Variants in PLPBP observed in about 807,000 individuals in gnomAD.
PLPBP encodes pyridoxal phosphate homeostasis protein.
In PLPBP, 21 loss-of-function variants were observed where a neutral mutation model predicts 31.2. The ratio of observed to expected loss-of-function variants is 0.67; its 90% CI spans 0.48 to 0.97. The LOEUF (loss-of-function observed/expected upper bound fraction) is 0.97. Ranked by LOEUF, PLPBP falls within the 50% of genes least tolerant of loss-of-function variation. The pLI is 0.00. For synonymous variants in PLPBP, 124 were observed against 135.6 expected (o/e 0.91, Z 0.59); for missense variants, 308 against 354.4 (o/e 0.87, Z 1.05).
At chr8:37,775,624 A>G (rs776167691) in intron 6 of PLPBP, 143 bp downstream of exon 6, 36 of 1,300,906 alleles carry the variant, frequency 2.8e-5, no homozygotes, top group Non-Finnish European at 3.7e-5. Context: ...AACTCTTCTC[A>G]GAAGGAAAAG....
chr8:37,762,885 G>A, intron 1 of PLPBP, 127 bp downstream of exon 1: 1 of 1,231,764 alleles, frequency 8.1e-7, no homozygotes, highest in Non-Finnish European at 1.1e-6. Flanking sequence ...GGCCGCCTAG[G>A]GCCACCGAAA....
intron 4 of PLPBP, among the ~76,000 whole-genome samples, chr8:37,767,665 A>G (rs1483723921): frequency 1.3e-5 from 2 of 152,158 alleles, no homozygotes; most frequent in East Asian, 3.8e-4. Context: ...GAGCCTTTGT[A>G]TGGATATATT....
At chr8:37,772,687 A>T (rs546260428) in intron 4 of PLPBP, 68 bp from the exon 5 acceptor site, 3 of 1,572,246 alleles carry the variant, frequency 1.9e-6, no homozygotes, top group East Asian at 2.3e-5. Context: ...CAAGTCAGAG[A>T]TTTGTTGCAT....
intron 4 of PLPBP, among the ~76,000 whole-genome samples, chr8:37,768,624 C>T (rs1803697778): frequency 6.6e-6 from 1 of 151,896 alleles, no homozygotes; most frequent in Non-Finnish European, 1.5e-5. Flanking sequence ...AGGCGCCCAC[C>T]ACCACGCCCA....
rs1284343587 is a variant in PLPBP at position 37,765,484 on chromosome 8, GT to G, written c.100-40del. 5 of 1,566,580 alleles carry G rather than the reference GT, an allele frequency of 3.2e-6. No homozygotes were observed. The African/African-American group carries it at 6.8e-5, about 21-fold the overall frequency. Reference sequence around the variant, plus strand: ...ATCCTATGGGATTCATTGGGGTACTGTTCCCAAACATTCACTCATATGGCTC... The same window carrying G: ...ATCCTATGGGATTCATTGGGGTACTGTCCCAAACATTCACTCATATGGCTC... On this transcript the variant is annotated intron_variant, in intron 1 of 7. Coordinates refer to ENST00000328195, the MANE Select transcript of PLPBP (RefSeq NM_007198.4).
At chr8:37,770,723 A>G (rs1377510779) in intron 4 of PLPBP, among the ~76,000 whole-genome samples, 1 of 151,128 alleles carries the variant, frequency 6.6e-6, no homozygotes, top group Non-Finnish European at 1.5e-5. Flanking sequence ...GATTACAGGC[A>G]CGCCCCACCA....
At chr8:37,772,968 G>T in intron 5 of PLPBP, 79 bp downstream of exon 5, 1 of 1,550,048 alleles carries the variant, frequency 6.5e-7, no homozygotes, top group Non-Finnish European at 8.9e-7. Flanking sequence ...GGGCCCAAGT[G>T]TCTGATGGAT....
intron 1 of PLPBP, among the ~76,000 whole-genome samples, chr8:37,764,290 G>C (rs1803564956): frequency 6.7e-6 from 1 of 149,784 alleles, no homozygotes; most frequent in South Asian, 2.1e-4. Flanking sequence ...ATTTTTAGTA[G>C]AGACAGGGTT....
At chr8:37,762,594 G>A (rs1021624091), upstream of PLPBP, 3 of 1,525,298 alleles carry the variant, frequency 2.0e-6, no homozygotes, top group African/African-American at 2.8e-5. Flanking sequence ...CAAGCTGGGC[G>A]GAACCGGAAG....
At chr8:37,767,492 A>G (rs1803663056) in intron 4 of PLPBP, among the ~76,000 whole-genome samples, 1 of 152,222 alleles carries the variant, frequency 6.6e-6, no homozygotes, top group South Asian at 2.1e-4. Flanking sequence ...GTAGTGATTC[A>G]TCATGTTCAT....
chr8:37,775,380 G>C lies in PLPBP; in HGVS notation c.496G>C (p.Glu166Gln). The C allele has an allele frequency of 3.7e-6, 6 of 1,614,204 alleles. No individual in the cohort carries two copies. The highest frequency in any genetic ancestry group is 5.1e-6 in the Non-Finnish European group (6 of 1,180,044). Reference protein sequence around the residue: ...LPPSETIAIVEHINAKCPNLE... With the variant: ...LPPSETIAIVQHINAKCPNLE... ...ACCTTCAGAGACCATAGCCATCGTGGAGCACATAAACGCCAAGTGTCCTAA... is the reference window on the plus strand; with the variant it reads ...ACCTTCAGAGACCATAGCCATCGTGCAGCACATAAACGCCAAGTGTCCTAA... Residue 166 changes from glutamate (E) to glutamine (Q), a missense_variant, in exon 6 of 8, where the codon GAG (glutamate) becomes CAG (glutamine). By Grantham distance (29) the Glu-to-Gln change is conservative. Around this residue, in one of 2 missense-constraint regions of PLPBP, gnomAD observed 188 missense variants for 259.3 expected, o/e 0.73. Transcript: ENST00000328195.
At chr8:37,773,959 C>G (rs1803840677) in intron 5 of PLPBP, among the ~76,000 whole-genome samples, 1 of 151,854 alleles carries the variant, frequency 6.6e-6, no homozygotes, top group Non-Finnish European at 1.5e-5. Context: ...ACCTGTAATC[C>G]CAGCACTTGG....
In PLPBP at chr8:37,776,082, C is replaced by T. The variant is rs910085150; in HGVS notation, c.696+66C>T. 5.9e-5 allele frequency: 84 copies of T among 1,427,448 alleles called. No individual in the cohort carries two copies. The African/African-American group carries it at 1.1e-3, about 18-fold the overall frequency. The allele number at this position is 1,427,448 out of a possible 1,614,324, so 88.4% of individuals were successfully genotyped here. On this transcript the variant is annotated intron_variant, in intron 7 of 7. Coordinates refer to ENST00000328195, the MANE Select transcript of PLPBP (RefSeq NM_007198.4). ...GGGTAGGGGGTCTGAGAGGCTGACA[C>T]AAGAGCAGATCTTTGCTGTAGAAGC...
chr8:37,777,037 G>C (rs1803930846), intron 7 of PLPBP, among the ~76,000 whole-genome samples: 1 of 152,186 alleles, frequency 6.6e-6, no homozygotes, highest in South Asian at 2.1e-4. Flanking sequence ...AAAGTGATGG[G>C]ATTACAGGCA....
chr8:37,775,660 C>T (rs1182875877), intron 6 of PLPBP, among the ~76,000 whole-genome samples, 179 bp downstream of exon 6: 2 of 152,206 alleles, frequency 1.3e-5, no homozygotes, highest in Admixed American at 6.5e-5. Context: ...CAAAGCCCCA[C>T]AAACCTTTTT....
At chr8:37,769,276 C>T (rs920929661) in intron 4 of PLPBP, among the ~76,000 whole-genome samples, 10 of 151,958 alleles carry the variant, frequency 6.6e-5, no homozygotes, top group Non-Finnish European at 1.5e-4. Context: ...GTTAAGCCTG[C>T]AGTGAGCTGT....
chr8:37,768,021 G>T (rs1803679576), intron 4 of PLPBP, among the ~76,000 whole-genome samples: 4 of 151,746 alleles, frequency 2.6e-5, no homozygotes, highest in African/African-American at 9.7e-5. Context: ...TGGCCAGGCT[G>T]GTCTCGAACT....
intron 7 of PLPBP, 125 bp from the exon 8 acceptor site, chr8:37,777,848 G>A (rs1390880002): frequency 8.9e-7 from 1 of 1,126,030 alleles, no homozygotes; most frequent in Admixed American, 2.4e-5. Context: ...TGGGATTACA[G>A]GCGTGAGCCA....
chr8:37,778,330 A>G lies in PLPBP; in HGVS notation c.*226A>G, dbSNP rs1357239052. On this transcript the variant is annotated 3_prime_UTR_variant, in exon 8 of 8. Coordinates refer to ENST00000328195, the MANE Select transcript of PLPBP (RefSeq NM_007198.4). ...CAAACATTTCTGCAGAACAGATACC[A>G]AATCAATAGCTAGGAATCATGTTCA... 2.8e-6 allele frequency: 1 copy of G among 359,334 alleles called. No individual in the cohort carries two copies. The highest frequency in any genetic ancestry group is 4.2e-5 in the Admixed American group (1 of 24,032). The allele number at this position is 359,334 out of a possible 1,614,324, so 22.3% of individuals were successfully genotyped here.
Sources: gnomAD v4.1 joint callset for allele counts (sites outside exome capture counted in the v4.1 genomes callset) on GRCh38, gnomAD v4.1.1 for gene constraint, gnomAD v4.1.1 regional missense constraint, MANE v1.5 for transcripts, NCBI Gene and HGNC (gene_info 2026-07-23, HGNC 2026-07-21) for gene names.